Variants in STYXL2 observed in about 807,000 individuals in gnomAD.
STYXL2 encodes the protein serine/threonine/tyrosine interacting like 2.
Under a neutral mutation model 52.4 loss-of-function variants are expected in STYXL2, and 44 were observed. That is an observed-to-expected ratio of 0.84 (90% confidence interval 0.66 to 1.08). The LOEUF is 1.08. STYXL2 is among the 50% of genes least tolerant of loss of function. The pLI, the probability that STYXL2 is intolerant of heterozygous loss-of-function variation, is 0.00. For missense variants in STYXL2, 1,604 were observed against 1,471.7 expected (o/e 1.09, Z -1.47); for synonymous variants, 604 against 586.9 (o/e 1.03, Z -0.42).
In STYXL2 at chr1:167,123,563, G is replaced by T. The variant is rs994428612; in HGVS notation, c.656-2224G>T. Among the ~76,000 whole-genome samples, 10 of 152,334 alleles carry T rather than the reference G, an allele frequency of 6.6e-5. No individual in the cohort carries two copies. The East Asian group carries it at 1.9e-3, about 29-fold the overall frequency. ...AAGGGACAGCTAAGCCCTGACTGAG[G>T]ACGAGAGGAGAAAAAAGACAAGTGC... On this transcript the variant is annotated intron_variant, in intron 5 of 5. Transcript: ENST00000361200.
At chr1:167,107,172 G>A (rs1667520843) in intron 2 of STYXL2, among the ~76,000 whole-genome samples, 1 of 152,114 alleles carries the variant, frequency 6.6e-6, no homozygotes, top group African/African-American at 2.4e-5. Context: ...GTGTTCTGGG[G>A]GTAGTCGGAC....
At chr1:167,124,060 G>A (rs1667911065) in intron 5 of STYXL2, among the ~76,000 whole-genome samples, 1 of 152,140 alleles carries the variant, frequency 6.6e-6, no homozygotes, top group African/African-American at 2.4e-5. Flanking sequence ...TGAGACTACA[G>A]GCGCTTGCCA....
At chr1:167,096,680 C>T (rs748064614) in intron 2 of STYXL2, among the ~76,000 whole-genome samples, 1 of 152,166 alleles carries the variant, frequency 6.6e-6, no homozygotes, top group Non-Finnish European at 1.5e-5. Context: ...TAGAACTCAG[C>T]AAGGTCATGC....
At chr1:167,123,129 A>T (rs1334292346) in intron 5 of STYXL2, among the ~76,000 whole-genome samples, 1 of 152,216 alleles carries the variant, frequency 6.6e-6, no homozygotes, top group Non-Finnish European at 1.5e-5. Context: ...TTTGATTTTG[A>T]TGTGAAGAGG....
chr1:167,111,337 C>T (rs967453944), intron 2 of STYXL2, among the ~76,000 whole-genome samples: 2 of 151,232 alleles, frequency 1.3e-5, no homozygotes, highest in African/African-American at 2.4e-5. Flanking sequence ...GAGTATCTAC[C>T]CAGAGGAAAA....
At chr1:167,119,610 C>G (rs1229030184) in intron 5 of STYXL2, 144 bp downstream of exon 5, 4 of 705,464 alleles carry the variant, frequency 5.7e-6, no homozygotes. Context: ...GGAGAAAAGA[C>G]AGGATAATCA....
chr1:167,123,573 G>A (rs1180798154), intron 5 of STYXL2, among the ~76,000 whole-genome samples: 1 of 152,100 alleles, frequency 6.6e-6, no homozygotes, highest in African/African-American at 2.4e-5. Context: ...GACGAGAGGA[G>A]AAAAAAGACA....
At chr1:167,114,344 A>G (rs1313453300) in intron 3 of STYXL2, among the ~76,000 whole-genome samples, 1 of 152,222 alleles carries the variant, frequency 6.6e-6, no homozygotes, top group Non-Finnish European at 1.5e-5. Flanking sequence ...TATCTGGATT[A>G]GATGAATTTT....
intron 2 of STYXL2, among the ~76,000 whole-genome samples, chr1:167,105,114 C>T (rs1292201392): frequency 6.6e-6 from 1 of 151,956 alleles, no homozygotes; most frequent in Non-Finnish European, 1.5e-5. Flanking sequence ...CCCTTTCTTC[C>T]TCTTTGCCTT....
At position 167,128,679 on chromosome 1, in the gene STYXL2, C is replaced by A; in HGVS notation, c.*71C>A. Reference sequence around the variant, plus strand: ...ATAGGGCTCAGGGCACACGTTGCCACCACTCATCGCAGGATGAGGATACAG... The same window carrying A: ...ATAGGGCTCAGGGCACACGTTGCCAACACTCATCGCAGGATGAGGATACAG... On this transcript the variant is annotated 3_prime_UTR_variant, in exon 6 of 6. Transcript: ENST00000361200. The A allele has an allele frequency of 1.3e-6, 2 of 1,503,554 alleles. No homozygotes were observed. Among genetic ancestry groups the A allele is most frequent in the Admixed American group, 2.3e-5 (1 of 43,934 alleles). 93.1% of individuals were successfully genotyped at this position (1,503,554 alleles called of 1,614,324 possible).
intron 2 of STYXL2, among the ~76,000 whole-genome samples, chr1:167,100,123 T>A (rs1042281135): frequency 5.9e-5 from 9 of 152,212 alleles, no homozygotes; most frequent in Non-Finnish European, 1.3e-4. Context: ...CATGAGTGCA[T>A]GTGAAAGAGG....
In STYXL2 at chr1:167,127,554, C is replaced by T. The variant is rs781424729; in HGVS notation, c.2423C>T (p.Pro808Leu). Residue 808 changes from proline to leucine, a missense_variant, in exon 6 of 6, where the codon CCC (proline) becomes CTC (leucine). Pro to Leu is a moderately conservative substitution (Grantham distance 98). Transcript: ENST00000361200. ...TCCTGCAACACCACACTGAGCTCAC[C>T]CGCGGAAAGTTGCAGAAGCAAAGTG... is the stretch of plus-strand genomic sequence containing the variant. ...VLSCNTTLSS[P>L]AESCRSKVRG... is the part of the protein sequence containing the mutation. 6.2e-7 allele frequency: 1 copy of T among 1,614,026 alleles called. No individual in the cohort carries two copies. The highest frequency in any genetic ancestry group is 2.2e-5 in the East Asian group (1 of 44,864).
Position 167,128,481 on chromosome 1 carries a change from G to C in STYXL2, c.3350G>C (p.Arg1117Pro). 6.2e-7 allele frequency: 1 copy of C among 1,613,926 alleles called. No individual in the cohort carries two copies. The highest frequency in any genetic ancestry group is 8.5e-7 in the Non-Finnish European group (1 of 1,179,928). ...GAAGGGAGGTTTGCATCTGGACGGC[G>C]GTCCCAGTATCGGAGAAGCACTGAC... Reference protein sequence around the residue: ...REEGRFASGRRSQYRRSTDRE... With the variant: ...REEGRFASGRPSQYRRSTDRE... Residue 1117 changes from arginine to proline, a missense_variant, in exon 6 of 6, where the codon CGG becomes CCG. By Grantham distance (103) the Arg-to-Pro change is moderately radical. Coordinates refer to ENST00000361200, the MANE Select transcript of STYXL2 (RefSeq NM_001080426.3).
intron 1 of STYXL2, 112 bp from the exon 2 acceptor site, chr1:167,094,722 G>A (rs551277464): frequency 5.0e-5 from 36 of 713,660 alleles, no homozygotes; most frequent in East Asian, 4.1e-4. Flanking sequence ...TTTGCCCACC[G>A]GGACCTTCCT....
intron 5 of STYXL2, 91 bp from the exon 6 acceptor site, chr1:167,125,696 A>G (rs988213558): frequency 6.8e-7 from 1 of 1,467,568 alleles, no homozygotes; most frequent in Non-Finnish European, 9.0e-7. Context: ...GCAGCATATT[A>G]AAACAGCACT....
rs1369476087 is a variant in STYXL2, at chr1:167,128,149, G to A, written c.3018G>A (p.Arg1006=). The stretch of plus-strand genomic sequence containing the variant: ...GCAACTCTGTAAGAAGCACTTCACG[G>A]TTCTCATCTTCCTCCACCAGGGAGG... ...ANGNSVRSTS[R]FSSSSTREGR... is the part of the protein sequence containing the mutation. The change falls in exon 6 of 6, where the codon CGG becomes CGA. Residue 1006 remains arginine (R), a synonymous_variant. Transcript: ENST00000361200. The A allele has an allele frequency of 6.2e-7, 1 of 1,614,210 alleles. No individual in the cohort carries two copies. Among genetic ancestry groups the A allele is most frequent in the East Asian group, 2.2e-5 (1 of 44,878 alleles).
intron 2 of STYXL2, among the ~76,000 whole-genome samples, chr1:167,102,888 C>T (rs1375800367): frequency 6.8e-6 from 1 of 146,936 alleles, no homozygotes; most frequent in Admixed American, 6.8e-5. Context: ...CACCACCGGA[C>T]TCTTAGTCCT....
intron 2 of STYXL2, among the ~76,000 whole-genome samples, chr1:167,111,208 G>C (rs931927016): frequency 6.6e-6 from 1 of 151,758 alleles, no homozygotes; most frequent in African/African-American, 2.4e-5. Flanking sequence ...TGGTGCGAAG[G>C]GAACACTTTT....
In STYXL2 at chr1:167,126,067, G is replaced by C; in HGVS notation, c.936G>C (p.Leu312=). 1 of 1,547,462 alleles carries C rather than the reference G, an allele frequency of 6.5e-7. No individual in the cohort carries two copies. The highest frequency in any genetic ancestry group is 8.7e-7 in the Non-Finnish European group (1 of 1,148,510). Residue 312 remains leucine, a synonymous_variant, in exon 6 of 6, where the codon CTG becomes CTC. Transcript: ENST00000361200. ...TGCTCGGGGCCAGAGTGCACGCCCTGACGGTGGAAGAGGAGGACGACAGCG... is the reference window on the plus strand; with the variant it reads ...TGCTCGGGGCCAGAGTGCACGCCCTCACGGTGGAAGAGGAGGACGACAGCG... ...GSMLGARVHA[L]TVEEEDDSAS...
Sources: allele counts gnomAD v4.1 joint callset (sites outside exome capture counted in the v4.1 genomes callset), GRCh38; gene constraint gnomAD v4.1.1; transcripts MANE v1.5; gene names NCBI Gene and HGNC (gene_info 2026-07-23, HGNC 2026-07-21).